Variants in FHIT observed in about 807,000 individuals in gnomAD.
The protein encoded by FHIT is fragile histidine triad diadenosine triphosphatase, also known as bis(5'-adenosyl)-triphosphatase.
FHIT carries 19 observed loss-of-function variants against 17.9 expected under a neutral mutation model. The ratio of observed to expected loss-of-function variants is 1.06; its 90% CI spans 0.74 to 1.56. FHIT has a LOEUF of 1.56. Among genes scored for constraint, FHIT ranks in the 40% most tolerant of loss-of-function variants. FHIT has a pLI of 0.00. For synonymous variants in FHIT, 81 were observed against 69.7 expected (o/e 1.16, Z -0.81); for missense variants, 248 against 189.2 (o/e 1.31, Z -1.82).
At chr3:61,066,174 A>G (rs1575949719) in intron 2 of FHIT, among the ~76,000 whole-genome samples, 1 of 152,196 alleles carries the variant, frequency 6.6e-6, no homozygotes, top group Non-Finnish European at 1.5e-5. Flanking sequence ...CATAATAATG[A>G]CATTAATTTA....
intron 8 of FHIT, among the ~76,000 whole-genome samples, chr3:59,882,208 C>G (rs1176417271): frequency 6.6e-6 from 1 of 151,776 alleles, no homozygotes; most frequent in Non-Finnish European, 1.5e-5. Context: ...ATGTAAAAGT[C>G]TTAAAATACA....
intron 8 of FHIT, among the ~76,000 whole-genome samples, chr3:59,865,455 T>C (rs1702602012): frequency 6.6e-6 from 1 of 152,252 alleles, no homozygotes; most frequent in African/African-American, 2.4e-5. Context: ...CTGAGATGTG[T>C]GTTATATTAC....
chr3:60,061,182 C>G (rs957278531), intron 5 of FHIT, among the ~76,000 whole-genome samples: 1 of 151,560 alleles, frequency 6.6e-6, no homozygotes, highest in African/African-American at 2.4e-5. Context: ...GGATTCCTAC[C>G]TTTCATCTAA....
chr3:59,997,534 C>G (rs528450457), intron 7 of FHIT, among the ~76,000 whole-genome samples: 1 of 152,110 alleles, frequency 6.6e-6, no homozygotes, highest in Non-Finnish European at 1.5e-5. Context: ...AGCACTAAAG[C>G]TAAAACTATA....
intron 2 of FHIT, among the ~76,000 whole-genome samples, chr3:61,199,836 C>T (rs940342639): frequency 1.3e-5 from 2 of 152,048 alleles, no homozygotes; most frequent in Admixed American, 1.3e-4. Flanking sequence ...CCCTGGCCAC[C>T]AAAGACTCTT....
At chr3:60,879,185 A>G (rs1553757316) in intron 3 of FHIT, among the ~76,000 whole-genome samples, 1 of 152,140 alleles carries the variant, frequency 6.6e-6, no homozygotes, top group African/African-American at 2.4e-5. Context: ...CGCCATTCTA[A>G]CTGGTGTAAG....
At chr3:60,941,759 T>C (rs182227987) in intron 3 of FHIT, among the ~76,000 whole-genome samples, 1 of 152,310 alleles carries the variant, frequency 6.6e-6, no homozygotes, top group African/African-American at 2.4e-5. Context: ...TGATCCCCTA[T>C]TCGTCCTTCA....
At chr3:59,891,865 C>T (rs561652989) in intron 8 of FHIT, among the ~76,000 whole-genome samples, 9 of 152,266 alleles carry the variant, frequency 5.9e-5, no homozygotes, top group African/African-American at 2.2e-4. Context: ...TCCACATGCA[C>T]TCTGAGATTT....
chr3:60,549,798 G>A (rs1005569535), intron 4 of FHIT, among the ~76,000 whole-genome samples: 14 of 152,142 alleles, frequency 9.2e-5, no homozygotes, highest in African/African-American at 3.1e-4. Flanking sequence ...TGTTCTCTTC[G>A]TTAAAAGAAT....
rs375997140 is a variant in FHIT at position 60,757,366 on chromosome 3, A to G, written c.-18+64553T>C. On this transcript the variant is annotated intron_variant, in intron 4 of 9. Transcript: ENST00000492590. ...GTTTACAGTTCAGATTGAACAAAGC[A>G]ATGGCAACAGAGAAAGAAAGAGAAG... 3.7e-4 allele frequency among the ~76,000 whole-genome samples: 57 copies of G among 152,378 alleles called. No homozygotes were observed. In the South Asian group the frequency reaches 9.5e-3, roughly 25 times the overall value.
intron 2 of FHIT, among the ~76,000 whole-genome samples, chr3:61,079,732 A>G (rs1048350840): frequency 7.9e-5 from 12 of 152,314 alleles, no homozygotes; most frequent in Non-Finnish European, 1.6e-4. Flanking sequence ...TGCTCAATTT[A>G]TCTTCAGTTA....
At chr3:61,213,839 AG>A (rs2039576197) in intron 1 of FHIT, among the ~76,000 whole-genome samples, 1 of 152,260 alleles carries the variant, frequency 6.6e-6, no homozygotes, top group South Asian at 2.1e-4. Context: ...ACTAGAACTC[AG>A]GATTAAGAAT....
chr3:59,769,023 C>T (rs1224005811), intron 8 of FHIT, among the ~76,000 whole-genome samples: 1 of 152,194 alleles, frequency 6.6e-6, no homozygotes. Context: ...TAACAATATC[C>T]TTCCCTCTTT....
chr3:61,095,021 A>C (rs1259525725), intron 2 of FHIT, among the ~76,000 whole-genome samples: 2 of 152,234 alleles, frequency 1.3e-5, no homozygotes, highest in African/African-American at 4.8e-5. Flanking sequence ...ACTGTATGTG[A>C]GGACTAAGAA....
chr3:60,861,093 A>G (rs1575609922), intron 3 of FHIT, among the ~76,000 whole-genome samples: 1 of 92,910 alleles, frequency 1.1e-5, no homozygotes, highest in South Asian at 3.0e-4. Context: ...TATATATCAG[A>G]TATCATATAT....
chr3:60,158,372 C>T (rs573415128), intron 5 of FHIT, among the ~76,000 whole-genome samples: 7 of 151,740 alleles, frequency 4.6e-5, no homozygotes, highest in South Asian at 2.1e-4. Flanking sequence ...AGTGCAATGG[C>T]GCAATCTCTG....
chr3:60,516,800 T>G (rs1022514293), intron 5 of FHIT, among the ~76,000 whole-genome samples: 2 of 152,226 alleles, frequency 1.3e-5, no homozygotes, highest in Admixed American at 6.5e-5. Flanking sequence ...AATTGTACAT[T>G]CTGACAGCTG....
chr3:61,150,800 T>A (rs573584498), intron 2 of FHIT, among the ~76,000 whole-genome samples: 12 of 151,846 alleles, frequency 7.9e-5, no homozygotes, highest in Non-Finnish European at 1.2e-4. Context: ...TGGTACCCAG[T>A]CTACCAATAT....
intron 3 of FHIT, among the ~76,000 whole-genome samples, chr3:61,039,007 C>T (rs2033381007): frequency 6.6e-6 from 1 of 152,068 alleles, no homozygotes. Flanking sequence ...AAATTAATTG[C>T]ACTATTCACT....
Sources: gnomAD v4.1 joint callset for allele counts (sites outside exome capture counted in the v4.1 genomes callset) on GRCh38, gnomAD v4.1.1 for gene constraint, MANE v1.5 for transcripts, NCBI Gene and HGNC (gene_info 2026-07-23, HGNC 2026-07-21) for gene names.